Variants in HSPBAP1 observed in about 807,000 individuals in gnomAD.
The protein encoded by HSPBAP1 is HSPB1 associated protein 1.
Under a neutral mutation model 45.2 loss-of-function variants are expected in HSPBAP1, and 27 were observed. The observed-to-expected ratio is 0.60, with a 90% confidence interval of 0.44 to 0.82. The LOEUF is 0.82. Ranked by LOEUF, HSPBAP1 falls within the 40% of genes least tolerant of loss-of-function variation. The pLI is 0.00. For synonymous variants in HSPBAP1, 204 were observed against 202.7 expected (o/e 1.01, Z -0.06); for missense variants, 510 against 590.9 (o/e 0.86, Z 1.42).
At chr3:122,787,080 T>C (rs1220918510) in intron 1 of HSPBAP1, among the ~76,000 whole-genome samples, 1 of 152,212 alleles carries the variant, frequency 6.6e-6, no homozygotes, top group Non-Finnish European at 1.5e-5. Flanking sequence ...AGGTCTAAAC[T>C]TGCAGCAGGT....
chr3:122,774,028 C>T (rs1300413863), intron 2 of HSPBAP1, among the ~76,000 whole-genome samples: 4 of 152,162 alleles, frequency 2.6e-5, no homozygotes, highest in Non-Finnish European at 4.4e-5. Context: ...AAATAGAAAC[C>T]GCCTTCGTGC....
rs534163655 is a variant in HSPBAP1 at position 122,759,752 on chromosome 3, G to C, written c.433-392C>G. ...AGGGAAAGCGTGTTTTGGGCAGTTAGAACAGTGAATGCAGCGGAAATGGCA... is the reference window on the plus strand; with the variant it reads ...AGGGAAAGCGTGTTTTGGGCAGTTACAACAGTGAATGCAGCGGAAATGGCA... On this transcript the variant is annotated intron_variant, in intron 3 of 7. Coordinates refer to ENST00000306103, the MANE Select transcript of HSPBAP1 (RefSeq NM_024610.6). Among the ~76,000 whole-genome samples the C allele has an allele frequency of 5.9e-5, 9 of 152,298 alleles. 1 individual carries two copies. The South Asian group carries it at 1.2e-3, about 21-fold the overall frequency.
chr3:122,749,391 T>C (rs958195483), intron 6 of HSPBAP1, among the ~76,000 whole-genome samples: 1 of 152,054 alleles, frequency 6.6e-6, no homozygotes, highest in African/African-American at 2.4e-5. Context: ...GAAAACAAAC[T>C]GAAACAAATG....
intron 1 of HSPBAP1, among the ~76,000 whole-genome samples, chr3:122,784,235 A>G (rs1380216066): frequency 1.3e-5 from 2 of 152,214 alleles, no homozygotes; most frequent in Non-Finnish European, 2.9e-5. Flanking sequence ...TTCATGATAA[A>G]TAGTATTCTG....
At chr3:122,778,560 C>T (rs1281621886) in intron 1 of HSPBAP1, among the ~76,000 whole-genome samples, 21 of 149,174 alleles carry the variant, frequency 1.4e-4, no homozygotes, top group Admixed American at 3.4e-4. Flanking sequence ...CTCGCTCTCT[C>T]GCCCAGGCTA....
At chr3:122,758,823 A>G (rs911052129) in intron 4 of HSPBAP1, 3 of 453,564 alleles carry the variant, frequency 6.6e-6, no homozygotes, top group Non-Finnish European at 1.3e-5. Context: ...CTTGAGGTCC[A>G]GGAGCTATGA....
chr3:122,771,749 T>G (rs779452650), intron 2 of HSPBAP1, among the ~76,000 whole-genome samples: 1 of 152,214 alleles, frequency 6.6e-6, no homozygotes, highest in East Asian at 1.9e-4. Context: ...TATGTGATGT[T>G]CTCTATCTGC....
At chr3:122,787,212 C>T (rs1257851278) in intron 1 of HSPBAP1, among the ~76,000 whole-genome samples, 1 of 152,140 alleles carries the variant, frequency 6.6e-6, no homozygotes, top group Non-Finnish European at 1.5e-5. Flanking sequence ...TTATTACAGC[C>T]TGAGTTGCAA....
At chr3:122,786,179 C>T (rs766564214) in intron 1 of HSPBAP1, among the ~76,000 whole-genome samples, 1 of 151,906 alleles carries the variant, frequency 6.6e-6, no homozygotes, top group Admixed American at 6.6e-5. Context: ...GCTGGTATAA[C>T]ACCTTGCTTT....
chr3:122,780,003 G>A (rs980997697), intron 1 of HSPBAP1, among the ~76,000 whole-genome samples: 4 of 151,636 alleles, frequency 2.6e-5, no homozygotes, highest in African/African-American at 9.7e-5. Flanking sequence ...ATCATGGCCC[G>A]TTCTCAATGA....
intron 4 of HSPBAP1, chr3:122,758,956 TCTC>T: frequency 2.8e-6 from 1 of 362,024 alleles, no homozygotes; most frequent in Non-Finnish European, 5.3e-6. Context: ...GGGAGTGGAA[TCTC>T]AGAGTTCTAG....
chr3:122,780,372 G>A (rs571508220), intron 1 of HSPBAP1, among the ~76,000 whole-genome samples: 1 of 101,772 alleles, frequency 9.8e-6, no homozygotes, highest in African/African-American at 3.7e-5. Context: ...GCGGCTGACC[G>A]GGCGGGGGGC....
chr3:122,752,750 G>T, intron 5 of HSPBAP1, 76 bp from the exon 6 acceptor site: 1 of 1,426,808 alleles, frequency 7.0e-7, no homozygotes, highest in Non-Finnish European at 9.4e-7. Context: ...CCCTAATTGA[G>T]GCTGCTAGGA....
At position 122,740,450 on chromosome 3, in the gene HSPBAP1, C is replaced by T. The variant is rs903746312; in HGVS notation, c.1362G>A (p.Thr454=). The change falls in exon 8 of 8, where the codon ACG becomes ACA. Residue 454 remains threonine (T), a synonymous_variant. Transcript: ENST00000306103. The stretch of plus-strand genomic sequence containing the variant: ...CCGTAGAAATGAATGTTTGAGGAGT[C>T]GTAGTAGTATTTGAGGCAATCTGTT... ...IEEQIASNTT[T]TPQTFISTDD... is the part of the protein sequence containing the mutation. 5.0e-6 allele frequency: 8 copies of T among 1,594,686 alleles called. No individual in the cohort carries two copies. The highest frequency in any genetic ancestry group is 4.1e-5 in the African/African-American group (3 of 73,838).
At chr3:122,746,752 G>T (rs1199327905) in intron 6 of HSPBAP1, among the ~76,000 whole-genome samples, 2 of 151,912 alleles carry the variant, frequency 1.3e-5, no homozygotes, top group Non-Finnish European at 1.5e-5. Context: ...CAACCTCCCT[G>T]CCTGATTCTC....
chr3:122,749,772 C>T (rs1162143972), intron 6 of HSPBAP1, among the ~76,000 whole-genome samples: 1 of 151,974 alleles, frequency 6.6e-6, no homozygotes, highest in Non-Finnish European at 1.5e-5. Context: ...CCATGCCCGG[C>T]TAATTTTTTG....
At chr3:122,752,075 A>G (rs188189014) in intron 6 of HSPBAP1, among the ~76,000 whole-genome samples, 2 of 152,368 alleles carry the variant, frequency 1.3e-5, no homozygotes, top group African/African-American at 4.8e-5. Flanking sequence ...AGAGCAGGCA[A>G]CCAGGATTAA....
chr3:122,788,912 A>C (rs1935735352), intron 1 of HSPBAP1, among the ~76,000 whole-genome samples: 1 of 152,222 alleles, frequency 6.6e-6, no homozygotes, highest in Non-Finnish European at 1.5e-5. Flanking sequence ...AACACTGAAA[A>C]ATGGTTAACA....
chr3:122,743,416 A>C (rs1933736196), intron 6 of HSPBAP1, among the ~76,000 whole-genome samples: 2 of 152,262 alleles, frequency 1.3e-5, no homozygotes, highest in South Asian at 4.1e-4. Context: ...AAAATACAAA[A>C]TTAGCTGGGC....
Sources: gnomAD v4.1 joint callset for allele counts (sites outside exome capture counted in the v4.1 genomes callset) on GRCh38, gnomAD v4.1.1 for gene constraint, MANE v1.5 for transcripts, NCBI Gene and HGNC (gene_info 2026-07-23, HGNC 2026-07-21) for gene names.